VAV3: variants seen among roughly 807,000 people sequenced by gnomAD.
The protein encoded by VAV3 is vav guanine nucleotide exchange factor 3.
In VAV3, 94 loss-of-function variants were observed where a neutral mutation model predicts 131.2. The observed-to-expected ratio is 0.72, with a 90% CI of 0.61 to 0.85. The LOEUF (loss-of-function observed/expected upper bound fraction) is 0.85. VAV3 is among the 40% of genes least tolerant of loss of function. VAV3 has a pLI of 0.00. For synonymous variants in VAV3, 349 were observed against 342.0 expected, an observed-to-expected ratio of 1.02 and a Z score of -0.22; for missense variants, 939 against 1,002.7, an observed-to-expected ratio of 0.94 and a Z score of 0.86.
intron 22 of VAV3, among the ~76,000 whole-genome samples, chr1:107,608,771 T>G (rs989039278): frequency 4.6e-5 from 7 of 152,126 alleles, no homozygotes; most frequent in African/African-American, 1.7e-4. Context: ...GAACAGAAAA[T>G]AATCAGAACA....
chr1:107,775,422 TAAAAA>T (rs942659177), intron 4 of VAV3, among the ~76,000 whole-genome samples: 3 of 151,232 alleles, frequency 2.0e-5, no homozygotes, highest in African/African-American at 4.9e-5. Flanking sequence ...CTACTAAAAA[TAAAAA>T]ATTAACTGGG....
chr1:107,619,057 TTAAC>T (rs1424369440), intron 20 of VAV3, among the ~76,000 whole-genome samples: 2 of 152,090 alleles, frequency 1.3e-5, no homozygotes, highest in Non-Finnish European at 1.5e-5. Context: ...AAGACACTAT[TTAAC>T]TAAGTCTGCT....
intron 2 of VAV3, among the ~76,000 whole-genome samples, chr1:107,871,111 C>T (rs1295805419): frequency 2.0e-5 from 3 of 152,040 alleles, no homozygotes; most frequent in South Asian, 4.2e-4. Context: ...AGTACGGAAA[C>T]GAACAAAGTT....
chr1:107,624,001 A>C (rs1306317827), intron 20 of VAV3, among the ~76,000 whole-genome samples: 1 of 152,178 alleles, frequency 6.6e-6, no homozygotes, highest in Non-Finnish European at 1.5e-5. Context: ...AATTGCATCG[A>C]GTCATCAAAA....
intron 15 of VAV3, among the ~76,000 whole-genome samples, chr1:107,730,495 A>G (rs1662168239): frequency 6.6e-6 from 1 of 152,216 alleles, no homozygotes; most frequent in Non-Finnish European, 1.5e-5. Flanking sequence ...AAACCGTTGC[A>G]TTAATCATAT....
chr1:107,756,778 T>C (rs1481333842), intron 11 of VAV3, among the ~76,000 whole-genome samples: 1 of 152,050 alleles, frequency 6.6e-6, no homozygotes, highest in African/African-American at 2.4e-5. Flanking sequence ...AGCCATAGCA[T>C]CCACAAGGGT....
intron 10 of VAV3, among the ~76,000 whole-genome samples, chr1:107,760,247 A>G (rs757712955): frequency 6.6e-6 from 1 of 152,198 alleles, no homozygotes; most frequent in Non-Finnish European, 1.5e-5. Flanking sequence ...AATTAAATTT[A>G]TAAGACTCTC....
At chr1:107,712,567 CAAT>C (rs776613150) in intron 15 of VAV3, among the ~76,000 whole-genome samples, 1 of 151,924 alleles carries the variant, frequency 6.6e-6, no homozygotes, top group Non-Finnish European at 1.5e-5. Flanking sequence ...ACAGACAGAT[CAAT>C]AATATAAAAT....
chr1:107,736,845 A>T (rs1662671362), intron 15 of VAV3, among the ~76,000 whole-genome samples: 1 of 152,216 alleles, frequency 6.6e-6, no homozygotes, highest in Admixed American at 6.5e-5. Context: ...ACAGAATTAG[A>T]AAAAACTACT....
In VAV3 at chr1:107,642,508, C is replaced by G. The variant is rs1423539384; in HGVS notation, c.1914+111G>C. 4.0e-6 allele frequency: 5 copies of G among 1,261,060 alleles called. No individual in the cohort carries two copies. The East Asian group carries it at 1.2e-4, about 31-fold the overall frequency. The allele number at this position is 1,261,060 out of a possible 1,614,324, so 78.1% of individuals were successfully genotyped here. On this transcript the variant is annotated intron_variant, in intron 20 of 26. Transcript: ENST00000370056. ...TCTTTTATTCCTTTACTTTCTTAAT[C>G]AACTTGCTTTTGCTTTGCACTGTGG...
chr1:107,835,546 G>A (rs1668438128), intron 2 of VAV3, among the ~76,000 whole-genome samples: 1 of 152,146 alleles, frequency 6.6e-6, no homozygotes, highest in African/African-American at 2.4e-5. Flanking sequence ...TCTGCTAGCT[G>A]CAGCCTCTGC....
At chr1:107,619,332 CAG>C (rs1653399810) in intron 20 of VAV3, among the ~76,000 whole-genome samples, 1 of 152,150 alleles carries the variant, frequency 6.6e-6, no homozygotes, top group Non-Finnish European at 1.5e-5. Context: ...AGAGAGGAAT[CAG>C]AGACCTGGGA....
chr1:107,797,000 A>G lies in VAV3; in HGVS notation c.322-17508T>C, dbSNP rs191293743. 8.8e-4 allele frequency among the ~76,000 whole-genome samples: 134 copies of G among 152,180 alleles called. 1 individual carries two copies. Among genetic ancestry groups the G allele is most frequent in the Admixed American group, 6.3e-3 (97 of 15,290 alleles). ...TTTTTAAATAAGTGAAAATACTCCT[A>G]TAATAACTATATGACTTCAAAATAA... On this transcript the variant is annotated intron_variant, in intron 2 of 26. Transcript: ENST00000370056.
chr1:107,685,157 A>G (rs1028519217), intron 18 of VAV3, among the ~76,000 whole-genome samples: 3 of 152,164 alleles, frequency 2.0e-5, no homozygotes, highest in African/African-American at 7.2e-5. Context: ...TGAAAAGGGG[A>G]CCCTGACTTC....
At chr1:107,931,609 T>A (rs74608279) in intron 1 of VAV3, among the ~76,000 whole-genome samples, 1 of 152,222 alleles carries the variant, frequency 6.6e-6, no homozygotes, top group Non-Finnish European at 1.5e-5. Context: ...ATATTTTAGA[T>A]TATCCATGGA....
At chr1:107,741,153 C>A (rs1328435899) in intron 15 of VAV3, among the ~76,000 whole-genome samples, 1 of 152,206 alleles carries the variant, frequency 6.6e-6, no homozygotes, top group Admixed American at 6.5e-5. Context: ...GCATCTCCAT[C>A]TGGGCAAAAA....
intron 1 of VAV3, among the ~76,000 whole-genome samples, chr1:107,883,707 C>T (rs1670895795): frequency 6.6e-6 from 1 of 152,132 alleles, no homozygotes; most frequent in African/African-American, 2.4e-5. Context: ...CAATGGGAAG[C>T]TGCCAACTGA....
chr1:107,654,992 G>A (rs1557736830), intron 19 of VAV3, among the ~76,000 whole-genome samples: 2 of 152,052 alleles, frequency 1.3e-5, no homozygotes, highest in African/African-American at 2.4e-5. Flanking sequence ...AAATCATCTG[G>A]TAGGCAGTCC....
At chr1:107,783,453 G>A (rs2102241889) in intron 2 of VAV3, among the ~76,000 whole-genome samples, 1 of 152,286 alleles carries the variant, frequency 6.6e-6, no homozygotes, top group South Asian at 2.1e-4. Context: ...GATGCTCTGT[G>A]AGGGCTAAGG....
Sources: allele counts gnomAD v4.1 joint callset (sites outside exome capture counted in the v4.1 genomes callset), GRCh38; gene constraint gnomAD v4.1.1; transcripts MANE v1.5; gene names NCBI Gene and HGNC (gene_info 2026-07-23, HGNC 2026-07-21).